The following BMAL1 variants were observed in gnomAD, a reference collection of about 807,000 sequenced individuals.
BMAL1 encodes the protein basic helix-loop-helix ARNT like 1.
the BMAL1 span, chr11:13,379,980 A>AG: frequency 6.6e-6 from 1 of 152,236 alleles, no homozygotes; most frequent in South Asian, 2.1e-4. Context: ...GGAGAGATGA[A>AG]GGTGGGCATG....
chr11:13,339,184 C>T, the BMAL1 span, among the ~76,000 whole-genome samples: 3 of 152,200 alleles, frequency 2.0e-5, no homozygotes, highest in Non-Finnish European at 4.4e-5. Flanking sequence ...TTGGCTTTTC[C>T]TTTAGAGCAT....
At chr11:13,324,545 T>G in the BMAL1 span, among the ~76,000 whole-genome samples, 3 of 152,220 alleles carry the variant, frequency 2.0e-5, no homozygotes, top group African/African-American at 7.2e-5. Context: ...CTCTCCCCGC[T>G]GCTTCAACCA....
the BMAL1 span, among the ~76,000 whole-genome samples, chr11:13,312,160 G>A: frequency 6.6e-6 from 1 of 152,092 alleles, no homozygotes; most frequent in Non-Finnish European, 1.5e-5. Flanking sequence ...ACTAAGTCCA[G>A]TGCTAAGTGC....
the BMAL1 span, among the ~76,000 whole-genome samples, chr11:13,289,062 A>G: frequency 6.6e-6 from 1 of 152,236 alleles, no homozygotes; most frequent in Non-Finnish European, 1.5e-5. Context: ...AAAGCAAATC[A>G]CTTAATGTCT....
the BMAL1 span, among the ~76,000 whole-genome samples, chr11:13,382,763 C>T: frequency 6.6e-6 from 1 of 152,170 alleles, no homozygotes; most frequent in African/African-American, 2.4e-5. Context: ...TACATTGTCT[C>T]ATCTCACCTT....
chr11:13,360,818 C>T, the BMAL1 span, among the ~76,000 whole-genome samples: 1 of 152,208 alleles, frequency 6.6e-6, no homozygotes, highest in African/African-American at 2.4e-5. Context: ...TAAATCTTTA[C>T]ACCAAAATCT....
chr11:13,282,065 C>T, the BMAL1 span, among the ~76,000 whole-genome samples: 2 of 152,306 alleles, frequency 1.3e-5, no homozygotes, highest in East Asian at 3.9e-4. Context: ...CTCGGAGTTA[C>T]AGGTTTGCAG....
chr11:13,294,230 G>C, the BMAL1 span, among the ~76,000 whole-genome samples: 1 of 152,096 alleles, frequency 6.6e-6, no homozygotes, highest in Non-Finnish European at 1.5e-5. Flanking sequence ...TTTTTAGATG[G>C]ACTTTACTGG....
the BMAL1 span, among the ~76,000 whole-genome samples, chr11:13,323,588 A>G: frequency 1.3e-5 from 2 of 152,044 alleles, no homozygotes; most frequent in Non-Finnish European, 2.9e-5. Context: ...TCTGTTTGCA[A>G]TTCTTTTTTT....
chr11:13,379,727 C>G, the BMAL1 span: 1 of 152,214 alleles, frequency 6.6e-6, no homozygotes, highest in Non-Finnish European at 1.5e-5. Context: ...GATGTTCCCT[C>G]TAGAAAAGCC....
chr11:13,288,394 T>TCTTTTTTCTTTCCTTCTTTCTTTCCTTC, the BMAL1 span, among the ~76,000 whole-genome samples: 2 of 43,354 alleles, frequency 4.6e-5, no homozygotes, highest in African/African-American at 1.1e-4. Flanking sequence ...GGATTTTCTT[T>TCTTTTTTCTTTCCTTCTTTCTTTCCTTC]TTTCTTTCTT....
chr11:13,369,816 T>G, the BMAL1 span: 1 of 1,583,406 alleles, frequency 6.3e-7, no homozygotes, highest in Non-Finnish European at 8.6e-7. Flanking sequence ...GAAGCATGCT[T>G]TCTGCAGCGG....
At chr11:13,358,603 G>A in the BMAL1 span, 4 of 1,578,756 alleles carry the variant, frequency 2.5e-6, no homozygotes, top group Non-Finnish European at 2.6e-6. Context: ...TGAGACCCTG[G>A]GCTCTATTGT....
chr11:13,280,679 CCA>C, the BMAL1 span, among the ~76,000 whole-genome samples: 3 of 152,162 alleles, frequency 2.0e-5, no homozygotes. Context: ...TTATCCTTCT[CCA>C]CAGTCTTTTT....
chr11:13,354,989 G>T, the BMAL1 span: 1 of 360,936 alleles, frequency 2.8e-6, no homozygotes, highest in African/African-American at 2.0e-5. Flanking sequence ...TTTATTTTTA[G>T]ACTTGTTGAC....
At chr11:13,370,469 A>C in the BMAL1 span, among the ~76,000 whole-genome samples, 1 of 152,162 alleles carries the variant, frequency 6.6e-6, no homozygotes, top group Non-Finnish European at 1.5e-5. Flanking sequence ...TAATCACCTG[A>C]GCCTCTCCTC....
At chr11:13,279,137 T>A in the BMAL1 span, among the ~76,000 whole-genome samples, 1 of 152,246 alleles carries the variant, frequency 6.6e-6, no homozygotes, top group Non-Finnish European at 1.5e-5. Context: ...AGCGTTGTTT[T>A]GGCGCTTTGG....
At chr11:13,360,278 C>A in the BMAL1 span, 1 of 1,438,600 alleles carries the variant, frequency 7.0e-7, no homozygotes, top group Non-Finnish European at 9.7e-7. Flanking sequence ...AGGTTTGAGG[C>A]AGCAAGTTAG....
the BMAL1 span, among the ~76,000 whole-genome samples, chr11:13,378,078 C>T: frequency 3.9e-5 from 6 of 152,188 alleles, no homozygotes; most frequent in Middle Eastern, 6.8e-3. Context: ...CTTCAATAAA[C>T]GTTTTTTTTC....
Sources: gnomAD v4.1 joint callset for allele counts (sites outside exome capture counted in the v4.1 genomes callset) on GRCh38, gnomAD v4.1.1 for gene constraint, MANE v1.5 for transcripts, NCBI Gene and HGNC (gene_info 2026-07-23, HGNC 2026-07-21) for gene names.